The following CLEC12A variants were observed in gnomAD, a reference collection of about 807,000 sequenced individuals.
CLEC12A encodes the protein C-type lectin domain family 12 member A, also known as C-type lectin protein CLL-1.
A neutral mutation model predicts 26.5 loss-of-function variants in CLEC12A; 22 were observed. The ratio of observed to expected loss-of-function variants is 0.83; its 90% CI spans 0.59 to 1.19. CLEC12A has a LOEUF of 1.19. CLEC12A is among the 50% of genes most tolerant of loss of function. The pLI, the probability that CLEC12A is intolerant of heterozygous loss-of-function variation, is 0.00. For missense variants in CLEC12A, 353 were observed against 315.6 expected (o/e 1.12, Z -0.90); for synonymous variants, 119 against 101.9 (o/e 1.17, Z -1.01).
At chr12:9,968,126 T>C (rs1864009125), upstream of CLEC12A, among the ~76,000 whole-genome samples, 1 of 152,170 alleles carries the variant, frequency 6.6e-6, no homozygotes. Context: ...ACTTACTGGA[T>C]TTAAAATTGG....
chr12:10,000,611 A>G (rs1022593871), downstream of CLEC12A, among the ~76,000 whole-genome samples: 3 of 152,232 alleles, frequency 2.0e-5, no homozygotes, highest in African/African-American at 7.2e-5. Context: ...TCTCAGTTAA[A>G]ATATTCAGGG....
chr12:9,998,330 T>C (rs138360703), downstream of CLEC12A: 1,160 of 1,613,914 alleles, frequency 7.2e-4, 18 homozygotes, highest in East Asian at 0.022. Flanking sequence ...ACGCACAGGA[T>C]CAGCAGAATC....
At chr12:9,980,529 A>G in intron 3 of CLEC12A, 53 bp from the exon 4 acceptor site, 3 of 1,494,456 alleles carry the variant, frequency 2.0e-6, no homozygotes, top group Non-Finnish European at 2.8e-6. Context: ...GGAAATAATA[A>G]GAATTATTAT....
upstream of CLEC12A, among the ~76,000 whole-genome samples, chr12:9,969,605 G>A (rs560906): frequency 0.23 from 34,680 of 152,036 alleles, 4,662 homozygotes; most frequent in South Asian, 0.46. Flanking sequence ...CGTCATATAC[G>A]CTTCATCTTC....
At chr12:9,994,899 T>C in intron 4 of CLEC12A, 8 of 1,046,752 alleles carry the variant, frequency 7.6e-6, no homozygotes, top group Admixed American at 2.6e-5. Context: ...AGGTTGAATG[T>C]AAAAATGAAT....
At chr12:10,000,591 G>C (rs4764181), downstream of CLEC12A, among the ~76,000 whole-genome samples, 77,327 of 152,024 alleles carry the variant, frequency 0.51, 20,091 homozygotes, top group Non-Finnish European at 0.54. Context: ...TTTTGTTGCT[G>C]TGTTTCTTAT....
At chr12:9,952,385 CG>C (rs1405046637) in intron 1 of CLEC12A, among the ~76,000 whole-genome samples, 95 of 150,844 alleles carry the variant, frequency 6.3e-4, no homozygotes, top group African/African-American at 2.1e-3. Context: ...CTGTGTTGGC[CG>C]GGCCGGTCTC....
Position 9,982,107 on chromosome 12 carries a change from A to T in CLEC12A, c.619A>T (p.Asn207Tyr). The T allele has an allele frequency of 6.4e-7, 1 of 1,567,452 alleles. No individual in the cohort carries two copies. The highest frequency in any genetic ancestry group is 8.8e-7 in the Non-Finnish European group (1 of 1,138,488). The stretch of plus-strand genomic sequence containing the variant: ...TTCCACTCGTGGTATGAGAGTGGAT[A>T]ATATAATCAACTCCTCTGCCTGGTA... ...EDSTRGMRVD[N>Y]IINSSAWVIR... The change falls in exon 5 of 6, where the codon AAT becomes TAT. Residue 207 changes from asparagine (N) to tyrosine (Y), a missense_variant. Asn to Tyr is a moderately radical substitution (Grantham distance 143). Coordinates refer to ENST00000304361, the MANE Select transcript of CLEC12A (RefSeq NM_138337.6).
At chr12:9,959,151 T>A (rs1422107458) in intron 1 of CLEC12A, among the ~76,000 whole-genome samples, 2 of 152,064 alleles carry the variant, frequency 1.3e-5, no homozygotes, top group Admixed American at 6.5e-5. Context: ...CCAGGAACAA[T>A]GATAGAAATA....
intron 5 of CLEC12A, chr12:9,984,325 A>AT (rs886778387): frequency 2.6e-5 from 4 of 152,266 alleles, no homozygotes; most frequent in African/African-American, 9.7e-5. Flanking sequence ...AATATTTTTA[A>AT]TTTATAAATT....
At chr12:9,996,960 A>G (rs779184937), downstream of CLEC12A, 10 of 1,614,002 alleles carry the variant, frequency 6.2e-6, no homozygotes, top group East Asian at 6.7e-5. Context: ...TATCTCCATA[A>G]TATCTCCAGT....
chr12:9,984,441 A>G (rs1275307400), intron 5 of CLEC12A, among the ~76,000 whole-genome samples: 2 of 152,126 alleles, frequency 1.3e-5, no homozygotes, highest in African/African-American at 4.8e-5. Flanking sequence ...ATGATGTTGA[A>G]CTTCAGGTGT....
chr12:9,981,302 T>C (rs938076268), intron 4 of CLEC12A, among the ~76,000 whole-genome samples: 1 of 152,226 alleles, frequency 6.6e-6, no homozygotes, highest in African/African-American at 2.4e-5. Context: ...TTATTCATTT[T>C]CTTAGTTTTC....
At chr12:9,963,477 C>A (rs2137110708) in intron 1 of CLEC12A, among the ~76,000 whole-genome samples, 1 of 142,844 alleles carries the variant, frequency 7.0e-6, no homozygotes, top group African/African-American at 2.5e-5. Flanking sequence ...ACTAGAGAGG[C>A]TATGGAAGGT....
chr12:9,978,119 C>T (rs1386793348), intron 1 of CLEC12A, among the ~76,000 whole-genome samples: 1 of 152,086 alleles, frequency 6.6e-6, no homozygotes, highest in Non-Finnish European at 1.5e-5. Context: ...AGATGTAAGA[C>T]ATAGCTCAGA....
intron 1 of CLEC12A, among the ~76,000 whole-genome samples, chr12:9,957,714 G>C (rs999676297): frequency 2.0e-5 from 3 of 152,170 alleles, no homozygotes; most frequent in African/African-American, 4.8e-5. Context: ...TTTCAGATGA[G>C]CAGAGGGTTG....
At chr12:9,994,833 GCA>G (rs34982294) in intron 4 of CLEC12A, among the ~76,000 whole-genome samples, 3,073 of 150,808 alleles carry the variant, frequency 0.02, 43 homozygotes, top group Middle Eastern at 0.034. Context: ...GTGCATGCGC[GCA>G]CACACACACA....
At chr12:9,987,561 A>G (rs561709549), downstream of CLEC12A, among the ~76,000 whole-genome samples, 1 of 152,236 alleles carries the variant, frequency 6.6e-6, no homozygotes, top group Non-Finnish European at 1.5e-5. Flanking sequence ...ATGTTCAATT[A>G]ACATTTACTA....
chr12:9,953,696 C>T (rs1412962737), intron 1 of CLEC12A, among the ~76,000 whole-genome samples: 4 of 151,808 alleles, frequency 2.6e-5, no homozygotes, highest in African/African-American at 4.8e-5. Context: ...GCCACCACCC[C>T]GTCTGGGAGG....
Sources: gnomAD v4.1 joint callset for allele counts (sites outside exome capture counted in the v4.1 genomes callset) on GRCh38, gnomAD v4.1.1 for gene constraint, MANE v1.5 for transcripts, NCBI Gene and HGNC (gene_info 2026-07-23, HGNC 2026-07-21) for gene names.